The following SLCO1A2 variants were observed in gnomAD, a reference collection of about 807,000 sequenced individuals.
SLCO1A2 encodes solute carrier organic anion transporter family member 1A2, also known as OATP-1.
Under a neutral mutation model 69.0 loss-of-function variants are expected in SLCO1A2, and 67 were observed. That is an observed-to-expected ratio of 0.97 (90% CI 0.80 to 1.19). The LOEUF is 1.19. Ranked by LOEUF, SLCO1A2 falls within the 50% of genes most tolerant of loss-of-function variation. SLCO1A2 has a pLI of 0.00. For synonymous variants in SLCO1A2, 260 were observed against 265.9 expected (o/e 0.98, Z 0.22); for missense variants, 787 against 793.7 (o/e 0.99, Z 0.10).
intron 1 of SLCO1A2, chr12:21,378,599 T>G (rs970077589): frequency 3.7e-6 from 2 of 545,262 alleles, no homozygotes; most frequent in Non-Finnish European, 6.5e-6. Flanking sequence ...TAAGGTCCCA[T>G]AATAAAAAGA....
At chr12:21,323,991 TGA>T (rs1368276256) in intron 2 of SLCO1A2, among the ~76,000 whole-genome samples, 1 of 152,108 alleles carries the variant, frequency 6.6e-6, no homozygotes, top group African/African-American at 2.4e-5. Context: ...GGATGACAAA[TGA>T]GAGAGATTTG....
At chr12:21,277,858 T>C (rs755424011) in intron 12 of SLCO1A2, among the ~76,000 whole-genome samples, 1 of 152,110 alleles carries the variant, frequency 6.6e-6, no homozygotes, top group Non-Finnish European at 1.5e-5. Flanking sequence ...TGAGGCCAGA[T>C]TCCTACCAGG....
In SLCO1A2 at chr12:21,264,806, CA is replaced by C. The variant is rs1418017951; in HGVS notation, c.*4741del. ...ACACTGCCAAAGAGGCCTCTGACCA[CA>C]GGATCATTTGATCATTACTAACTGT... On this transcript the variant is annotated 3_prime_UTR_variant, in exon 15 of 15. Coordinates refer to ENST00000683939, the MANE Select transcript of SLCO1A2 (RefSeq NM_001386879.1). 1 of 152,128 alleles carries C rather than the reference CA, an allele frequency of 6.6e-6. No homozygotes were observed. The highest frequency in any genetic ancestry group is 1.5e-5 in the Non-Finnish European group (1 of 68,042). 9.4% of individuals were successfully genotyped at this position (152,128 alleles called of 1,614,324 possible).
intron 12 of SLCO1A2, among the ~76,000 whole-genome samples, chr12:21,280,316 A>G (rs1271282903): frequency 1.3e-5 from 2 of 152,098 alleles, no homozygotes; most frequent in Non-Finnish European, 2.9e-5. Context: ...AAAAATACCC[A>G]ATAATCTGTT....
At chr12:21,340,367 T>C (rs1163746665) in intron 2 of SLCO1A2, among the ~76,000 whole-genome samples, 9 of 152,046 alleles carry the variant, frequency 5.9e-5, no homozygotes, top group Non-Finnish European at 1.0e-4. Flanking sequence ...TTTGTTACCA[T>C]TGCTTTGTTA....
At chr12:21,336,618 C>T (rs1952899875), upstream of SLCO1A2, among the ~76,000 whole-genome samples, 1 of 151,994 alleles carries the variant, frequency 6.6e-6, no homozygotes, top group Non-Finnish European at 1.5e-5. Context: ...ACATTTCAAA[C>T]ATCTTCATGG....
intron 2 of SLCO1A2, among the ~76,000 whole-genome samples, chr12:21,357,362 C>A (rs11045997): frequency 0.32 from 49,134 of 151,892 alleles, 8,246 homozygotes; most frequent in East Asian, 0.46. Flanking sequence ...TTCTCCAAAC[C>A]AACAAGATTG....
intron 2 of SLCO1A2, among the ~76,000 whole-genome samples, chr12:21,365,795 A>G (rs545790719): frequency 9.6e-4 from 147 of 152,370 alleles, no homozygotes; most frequent in Middle Eastern, 3.4e-3. Flanking sequence ...GACACATGAA[A>G]AAATGCTCAT....
intron 8 of SLCO1A2, among the ~76,000 whole-genome samples, chr12:21,299,809 TAC>T (rs201033206): frequency 1.7e-5 from 2 of 119,294 alleles, no homozygotes; most frequent in South Asian, 2.7e-4. Context: ...CGTATATATA[TAC>T]ACACACACAT....
intron 4 of SLCO1A2, among the ~76,000 whole-genome samples, chr12:21,308,935 T>C (rs1949762868): frequency 6.6e-6 from 1 of 152,028 alleles, no homozygotes; most frequent in African/African-American, 2.4e-5. Context: ...TAAAGACAGT[T>C]ACAAACAAAT....
At chr12:21,335,513 G>C (rs1218170900), upstream of SLCO1A2, among the ~76,000 whole-genome samples, 1 of 151,738 alleles carries the variant, frequency 6.6e-6, no homozygotes, top group Non-Finnish European at 1.5e-5. Context: ...GATTTTGTTT[G>C]TTTTACATCT....
intron 9 of SLCO1A2, 118 bp from the exon 10 acceptor site, chr12:21,295,910 A>G (rs1343193287): frequency 2.5e-5 from 15 of 603,580 alleles, no homozygotes; most frequent in Non-Finnish European, 3.7e-5. Flanking sequence ...CATAGTGAAG[A>G]AGAATGATTT....
intron 2 of SLCO1A2, among the ~76,000 whole-genome samples, chr12:21,370,580 T>C (rs1450215226): frequency 6.7e-6 from 1 of 150,372 alleles, no homozygotes; most frequent in African/African-American, 2.4e-5. Context: ...ACGTGCAGTG[T>C]TTCGATAGAA....
intron 14 of SLCO1A2, 58 bp downstream of exon 14, chr12:21,274,411 G>A (rs1591772401): frequency 1.8e-6 from 2 of 1,116,176 alleles, no homozygotes; most frequent in East Asian, 2.4e-5. Flanking sequence ...TGTGAATGGT[G>A]CTGCGTTATG....
chr12:21,283,794 G>A (rs1053924394), intron 12 of SLCO1A2, among the ~76,000 whole-genome samples: 2 of 152,042 alleles, frequency 1.3e-5, no homozygotes, highest in African/African-American at 4.8e-5. Context: ...AATACAAATG[G>A]CAATTTTATG....
chr12:21,389,623 A>C (rs1474230830), intron 1 of SLCO1A2, among the ~76,000 whole-genome samples: 2 of 152,062 alleles, frequency 1.3e-5, no homozygotes, highest in Non-Finnish European at 2.9e-5. Context: ...AGCAAAATCA[A>C]AGATTTTTTG....
chr12:21,314,157 G>C (rs1314550449), intron 4 of SLCO1A2, among the ~76,000 whole-genome samples: 2 of 152,012 alleles, frequency 1.3e-5, no homozygotes, highest in African/African-American at 2.4e-5. Context: ...AGTTACTTTG[G>C]TAAAAATTAA....
At chr12:21,331,579 G>A (rs1015166491) in intron 2 of SLCO1A2, among the ~76,000 whole-genome samples, 1 of 151,514 alleles carries the variant, frequency 6.6e-6, no homozygotes, top group East Asian at 1.9e-4. Flanking sequence ...AGACTAGCCG[G>A]CTGTCAATTC....
intron 2 of SLCO1A2, chr12:21,373,020 T>C: frequency 3.5e-6 from 1 of 284,538 alleles, no homozygotes; most frequent in Non-Finnish European, 6.6e-6. Flanking sequence ...GAATTTCCTA[T>C]TTCTGGGAAA....
Sources: gnomAD v4.1 joint callset for allele counts (sites outside exome capture counted in the v4.1 genomes callset) on GRCh38, gnomAD v4.1.1 for gene constraint, MANE v1.5 for transcripts, NCBI Gene and HGNC (gene_info 2026-07-23, HGNC 2026-07-21) for gene names.